Variants in DNAH12 observed in about 807,000 individuals in gnomAD.
DNAH12 encodes the protein axonemal beta dynein heavy chain 12.
DNAH12 carries 285 observed loss-of-function variants against 371.5 expected under a neutral mutation model. The observed-to-expected ratio is 0.77, with a 90% CI of 0.70 to 0.85. The LOEUF (loss-of-function observed/expected upper bound fraction) is 0.85. Ranked by LOEUF, DNAH12 falls within the 40% of genes least tolerant of loss-of-function variation. The pLI, the probability that DNAH12 is intolerant of heterozygous loss-of-function variation, is 0.00. For missense variants in DNAH12, 3,611 were observed against 3,689.4 expected, an observed-to-expected ratio of 0.98 and a Z score of 0.55; for synonymous variants, 1,200 against 1,213.0, an observed-to-expected ratio of 0.99 and a Z score of 0.22.
At chr3:57,383,741 C>T (rs2063444636) in intron 49 of DNAH12, among the ~76,000 whole-genome samples, 1 of 130,652 alleles carries the variant, frequency 7.7e-6, no homozygotes, top group African/African-American at 3.1e-5. Flanking sequence ...ACCTGGGTGA[C>T]AGAGTGAGAC....
chr3:57,391,725 G>A (rs2063627359), intron 45 of DNAH12, 147 bp downstream of exon 45: 2 of 152,180 alleles, frequency 1.3e-5, no homozygotes, highest in African/African-American at 4.8e-5. Context: ...AGTCTTATCA[G>A]TCTCTGGTGC....
intron 43 of DNAH12, among the ~76,000 whole-genome samples, chr3:57,395,779 TA>T (rs1553676372): frequency 2.0e-5 from 3 of 151,354 alleles, no homozygotes; most frequent in Admixed American, 6.6e-5. Flanking sequence ...AGCCTGTCTC[TA>T]AAAAAATAAA....
At chr3:57,527,549 G>A (rs1006105919) in intron 2 of DNAH12, among the ~76,000 whole-genome samples, 3 of 152,136 alleles carry the variant, frequency 2.0e-5, no homozygotes, top group African/African-American at 7.2e-5. Flanking sequence ...AAGAGCAGGG[G>A]TGGGAGGCAC....
chr3:57,304,256 C>T (rs1001098677), intron 69 of DNAH12, among the ~76,000 whole-genome samples: 5 of 152,158 alleles, frequency 3.3e-5, no homozygotes, highest in African/African-American at 4.8e-5. Context: ...CACATGGAAG[C>T]GAGTGAAATT....
intron 59 of DNAH12, 103 bp from the exon 60 acceptor site, chr3:57,352,328 T>G: frequency 8.2e-7 from 1 of 1,217,534 alleles, no homozygotes; most frequent in South Asian, 1.5e-5. Context: ...GTATCACTAT[T>G]AAAAACGTAT....
chr3:57,516,598 C>G (rs1338844867), intron 4 of DNAH12, among the ~76,000 whole-genome samples: 4 of 152,180 alleles, frequency 2.6e-5, no homozygotes, highest in African/African-American at 4.8e-5. Context: ...CCTGCAAGTC[C>G]TGTCGCATTT....
chr3:57,371,457 C>T (rs977862637), intron 55 of DNAH12, among the ~76,000 whole-genome samples: 2 of 151,726 alleles, frequency 1.3e-5, no homozygotes. Context: ...TAAAAATCAC[C>T]GAATTGTACA....
Position 57,352,169 on chromosome 3 carries a change from T to C in DNAH12, c.9590A>G (p.Tyr3197Cys). Residue 3197 changes from tyrosine to cysteine, a missense_variant, in exon 60 of 74, where the codon TAC (tyrosine) becomes TGC (cysteine). Around this residue, in one of 3 missense-constraint regions of DNAH12, gnomAD observed 2,266 missense variants for 2,236.9 expected, o/e 1.01. Coordinates refer to ENST00000495027, the MANE Select transcript of DNAH12 (RefSeq NM_001366028.2). Reference protein sequence around the residue: ...RLRYLNDHFTYNLYCNICRSL... With the variant: ...RLRYLNDHFTCNLYCNICRSL... ...TCGGCATATATTACAATATAAGTTG[T>C]ATGTGAAGTGGTCATTTAAATATCG... The C allele has an allele frequency of 2.6e-6, 4 of 1,543,408 alleles. No individual in the cohort carries two copies. Among genetic ancestry groups the C allele is most frequent in the Non-Finnish European group, 3.5e-6 (4 of 1,145,028 alleles).
At chr3:57,448,806 C>T (rs1425610738) in intron 25 of DNAH12, among the ~76,000 whole-genome samples, 2 of 152,250 alleles carry the variant, frequency 1.3e-5, no homozygotes, top group African/African-American at 4.8e-5. Flanking sequence ...CACAAAGGTT[C>T]TCCAAAGCCC....
chr3:57,468,651 G>T (rs2066273296), intron 17 of DNAH12, 85 bp downstream of exon 17: 3 of 781,002 alleles, frequency 3.8e-6, no homozygotes, highest in Non-Finnish European at 5.4e-6. Context: ...AAAACCAGAA[G>T]ATAGGCTTTA....
At chr3:57,438,560 C>G (rs1473117835) in intron 29 of DNAH12, among the ~76,000 whole-genome samples, 3 of 152,096 alleles carry the variant, frequency 2.0e-5, no homozygotes. Context: ...GCTCCTGAAA[C>G]TGATAAATGA....
Position 57,446,063 on chromosome 3 carries a change from C to A in DNAH12, c.4147G>T (p.Ala1383Ser). 2 of 1,551,562 alleles carry A rather than the reference C, an allele frequency of 1.3e-6. No individual in the cohort carries two copies. Among genetic ancestry groups the A allele is most frequent in the African/African-American group, 2.7e-5 (2 of 73,140 alleles). The change falls in exon 27 of 74, where the codon GCA becomes TCA. Residue 1383 changes from alanine (A) to serine (S), a missense_variant. Around this residue, in one of 3 missense-constraint regions of DNAH12, gnomAD observed 2,266 missense variants for 2,236.9 expected, o/e 1.01. Transcript: ENST00000495027. ...FVAITMNPGY[A>S]GRSELPDNLK... ...TTGTCCGGCAATTCAGAGCGTCCTG[C>A]ATAGCCAGGATTCATGGTAATAGCT...
At position 57,461,510 on chromosome 3, in the gene DNAH12, T is replaced by C; in HGVS notation, c.2715A>G (p.Lys905=). The change falls in exon 19 of 74, where the codon AAA becomes AAG. Residue 905 remains lysine (K), a synonymous_variant. Coordinates refer to ENST00000495027, the MANE Select transcript of DNAH12 (RefSeq NM_001366028.2). The part of the protein sequence containing the change: ...TQTMRGSPFI[K]PFEHEIKAWE... ...ATACCTTGATCTCATGTTCAAATGG[T>C]TTGATGAAAGGTGAGCCTCTCATTG... is the stretch of plus-strand genomic sequence containing the variant. 1.9e-6 allele frequency: 3 copies of C among 1,551,304 alleles called. No individual in the cohort carries two copies. Among genetic ancestry groups the C allele is most frequent in the Admixed American group, 2.0e-5 (1 of 51,012 alleles).
chr3:57,500,307 C>T (rs920450001), intron 11 of DNAH12, among the ~76,000 whole-genome samples: 5 of 152,262 alleles, frequency 3.3e-5, no homozygotes, highest in Non-Finnish European at 5.9e-5. Context: ...TCCTAAAGTG[C>T]TGAGATTACA....
chr3:57,456,661 G>C (rs892619740), intron 22 of DNAH12, among the ~76,000 whole-genome samples: 1 of 152,168 alleles, frequency 6.6e-6, no homozygotes, highest in African/African-American at 2.4e-5. Context: ...CTGTCCTACA[G>C]ATCCACATGT....
intron 62 of DNAH12, among the ~76,000 whole-genome samples, chr3:57,327,321 T>C (rs1321414653): frequency 6.6e-6 from 1 of 151,360 alleles, no homozygotes; most frequent in Non-Finnish European, 1.5e-5. Flanking sequence ...AAAGCTCTCC[T>C]CAGCAAATGT....
At chr3:57,485,002 G>A (rs976737401) in intron 12 of DNAH12, among the ~76,000 whole-genome samples, 4 of 152,078 alleles carry the variant, frequency 2.6e-5, no homozygotes, top group African/African-American at 9.7e-5. Flanking sequence ...CACTCCTACA[G>A]GAATGGCCAT....
At chr3:57,541,091 G>A (rs1340016527) in intron 2 of DNAH12, among the ~76,000 whole-genome samples, 1 of 151,592 alleles carries the variant, frequency 6.6e-6, no homozygotes, top group African/African-American at 2.4e-5. Context: ...CCAGGCTGGA[G>A]TGCAGTGGTG....
chr3:57,543,826 C>A (rs987809502), intron 1 of DNAH12, among the ~76,000 whole-genome samples: 5 of 151,724 alleles, frequency 3.3e-5, no homozygotes, highest in Admixed American at 2.0e-4. Context: ...GTGGGCGGAT[C>A]ACCTCAGGTC....
Sources: gnomAD v4.1 joint callset for allele counts (sites outside exome capture counted in the v4.1 genomes callset) on GRCh38, gnomAD v4.1.1 for gene constraint, gnomAD v4.1.1 regional missense constraint, MANE v1.5 for transcripts, NCBI Gene and HGNC (gene_info 2026-07-23, HGNC 2026-07-21) for gene names.